The following THSD4 variants were observed in gnomAD, a reference collection of about 807,000 sequenced individuals.
THSD4 encodes thrombospondin type-1 domain-containing protein 4.
Under a neutral mutation model 119.0 loss-of-function variants are expected in THSD4, and 69 were observed. The ratio of observed to expected loss-of-function variants is 0.58; its 90% CI spans 0.48 to 0.71. The LOEUF (loss-of-function observed/expected upper bound fraction) is 0.71, where lower values mean the gene tolerates loss of function less well. THSD4 is among the 30% of genes least tolerant of loss of function. THSD4 has a pLI of 0.00. For missense variants in THSD4, 1,393 were observed against 1,391.1 expected (o/e 1.00, Z -0.02); for synonymous variants, 524 against 540.4 (o/e 0.97, Z 0.42).
chr15:71,496,426 G>A (rs2048018916), intron 7 of THSD4, among the ~76,000 whole-genome samples: 1 of 152,126 alleles, frequency 6.6e-6, no homozygotes, highest in Admixed American at 6.5e-5. Flanking sequence ...CTGCGTATGG[G>A]CAGTGAGGAT....
At chr15:71,358,626 A>G (rs2045853943) in intron 6 of THSD4, among the ~76,000 whole-genome samples, 1 of 152,236 alleles carries the variant, frequency 6.6e-6, no homozygotes, top group Non-Finnish European at 1.5e-5. Context: ...CCATCTGTAA[A>G]ATGGAGGCAA....
chr15:71,151,916 T>C (rs2040726098), intron 2 of THSD4, among the ~76,000 whole-genome samples: 1 of 152,198 alleles, frequency 6.6e-6, no homozygotes, highest in Admixed American at 6.5e-5. Context: ...ATTAGCTTCC[T>C]GTGTCTTGAA....
intron 7 of THSD4, among the ~76,000 whole-genome samples, chr15:71,479,562 CAG>C (rs1184739296): frequency 1.3e-5 from 2 of 152,082 alleles, no homozygotes; most frequent in Non-Finnish European, 2.9e-5. Flanking sequence ...GAGTCTGAAA[CAG>C]AGACTTTTCA....
At chr15:71,547,303 C>A in intron 7 of THSD4, 1 of 1,518,778 alleles carries the variant, frequency 6.6e-7, no homozygotes, top group Admixed American at 2.1e-5. Flanking sequence ...CAGCGCGGTG[C>A]CTAGCGGAAC....
intron 8 of THSD4, among the ~76,000 whole-genome samples, chr15:71,697,255 C>T (rs554190528): frequency 4.6e-5 from 7 of 152,056 alleles, no homozygotes; most frequent in South Asian, 4.2e-4. Context: ...AGGAGCCATG[C>T]GGAAGGGTGA....
chr15:71,561,707 T>C (rs759262275), intron 7 of THSD4, among the ~76,000 whole-genome samples: 3 of 152,052 alleles, frequency 2.0e-5, no homozygotes, highest in Non-Finnish European at 4.4e-5. Context: ...TGCTTTAAAA[T>C]GGAATGACAG....
chr15:71,490,470 G>C (rs988660813), intron 7 of THSD4, among the ~76,000 whole-genome samples: 1 of 149,208 alleles, frequency 6.7e-6, no homozygotes, highest in African/African-American at 2.5e-5. Flanking sequence ...TGAGGCAGGA[G>C]AATGGCGTGA....
At chr15:71,331,945 G>A (rs1181692483) in intron 6 of THSD4, among the ~76,000 whole-genome samples, 3 of 151,870 alleles carry the variant, frequency 2.0e-5, no homozygotes, top group Non-Finnish European at 2.9e-5. Flanking sequence ...AGACAGGACT[G>A]TACATTCAAG....
At chr15:71,184,321 A>G (rs1176951444) in intron 3 of THSD4, 1 of 151,698 alleles carries the variant, frequency 6.6e-6, no homozygotes, top group Non-Finnish European at 1.5e-5. Context: ...GCTTATCACT[A>G]CGGAAAAGAA....
chr15:71,440,788 A>C (rs2047077887), intron 7 of THSD4, among the ~76,000 whole-genome samples: 1 of 152,184 alleles, frequency 6.6e-6, no homozygotes, highest in African/African-American at 2.4e-5. Flanking sequence ...AAAATACAAA[A>C]ATGGAAGTGG....
intron 7 of THSD4, among the ~76,000 whole-genome samples, chr15:71,576,720 C>T (rs1029593516): frequency 2.0e-5 from 3 of 152,158 alleles, no homozygotes; most frequent in Non-Finnish European, 2.9e-5. Flanking sequence ...ACACAGTAGA[C>T]GTTAAGGAAA....
chr15:71,253,685 G>A (rs2044284118), intron 5 of THSD4, among the ~76,000 whole-genome samples: 1 of 152,128 alleles, frequency 6.6e-6, no homozygotes, highest in South Asian at 2.1e-4. Context: ...TAGGATTATA[G>A]CCGTGAGCCA....
intron 7 of THSD4, among the ~76,000 whole-genome samples, chr15:71,583,937 TC>T (rs1439369335): frequency 1.3e-5 from 2 of 152,314 alleles, no homozygotes; most frequent in South Asian, 4.1e-4. Flanking sequence ...TATGTGTTGT[TC>T]AAGTCCACTG....
intron 6 of THSD4, among the ~76,000 whole-genome samples, chr15:71,401,759 C>G (rs2046536138): frequency 6.6e-6 from 1 of 152,150 alleles, no homozygotes; most frequent in African/African-American, 2.4e-5. Flanking sequence ...TGGGTACATA[C>G]CCAAAGGATT....
At chr15:71,600,725 CCTGT>C (rs1029749445) in intron 7 of THSD4, among the ~76,000 whole-genome samples, 1 of 151,618 alleles carries the variant, frequency 6.6e-6, no homozygotes, top group African/African-American at 2.4e-5. Context: ...TATTATCATG[CCTGT>C]CTTTTTTTTT....
At chr15:71,236,147 C>A (rs2044103566) in intron 4 of THSD4, among the ~76,000 whole-genome samples, 1 of 152,168 alleles carries the variant, frequency 6.6e-6, no homozygotes, top group African/African-American at 2.4e-5. Flanking sequence ...CTCAAAGGAA[C>A]TTGCCTGAGC....
intron 6 of THSD4, among the ~76,000 whole-genome samples, chr15:71,374,472 G>C (rs1596378336): frequency 1.3e-5 from 2 of 152,318 alleles, no homozygotes; most frequent in South Asian, 4.1e-4. Context: ...GATGCAATAA[G>C]AAGGGGATGT....
intron 6 of THSD4, among the ~76,000 whole-genome samples, chr15:71,357,502 G>C (rs1419906022): frequency 6.6e-6 from 1 of 152,202 alleles, no homozygotes; most frequent in East Asian, 1.9e-4. Context: ...CAGCAGCCAA[G>C]AGCCATGGGT....
intron 2 of THSD4, among the ~76,000 whole-genome samples, chr15:71,151,987 G>A (rs1014142010): frequency 5.9e-5 from 9 of 152,164 alleles, no homozygotes; most frequent in African/African-American, 2.2e-4. Context: ...CGTCATCATA[G>A]AAAACTCTAT....
Sources: gnomAD v4.1 joint callset for allele counts (sites outside exome capture counted in the v4.1 genomes callset) on GRCh38, gnomAD v4.1.1 for gene constraint, MANE v1.5 for transcripts, NCBI Gene and HGNC (gene_info 2026-07-23, HGNC 2026-07-21) for gene names.